Variants in TMEM44 observed in about 807,000 individuals in gnomAD.
TMEM44 encodes transmembrane protein 44.
Under a neutral mutation model 47.8 loss-of-function variants are expected in TMEM44, and 43 were observed. That is an observed-to-expected ratio of 0.90 (90% CI 0.70 to 1.16). The LOEUF (loss-of-function observed/expected upper bound fraction) is 1.16, where lower values mean the gene tolerates loss of function less well. Among genes scored for constraint, TMEM44 ranks in the 50% most tolerant of loss-of-function variants. The probability of loss-of-function intolerance (pLI) is 0.00; values close to 1 mark genes in which losing one functional copy is unlikely to be tolerated. For missense variants in TMEM44, 568 were observed against 555.2 expected (o/e 1.02, Z -0.23); for synonymous variants, 277 against 238.8 (o/e 1.16, Z -1.48).
In TMEM44 at chr3:194,626,928, A is replaced by ATT. The variant is rs34763580; in HGVS notation, c.265-940_265-939dup. Among the ~76,000 whole-genome samples, 211 of 139,480 alleles carry ATT rather than the reference A, an allele frequency of 1.5e-3. 3 individuals carry two copies. Among genetic ancestry groups the ATT allele is most frequent in the African/African-American group, 2.9e-3 (106 of 37,034 alleles). The allele number at this position is 139,480 out of a possible 152,430, so 91.5% of individuals were successfully genotyped here. A position where few individuals can be genotyped will look rare whatever the true frequency, so the allele number is the denominator to read the frequency against. ...TTGGACTTGAGCTGGGACCTACTGT[A>ATT]TTTTTTTTTTTTTGAGACGAAGTCT... On this transcript the variant is annotated intron_variant, in intron 2 of 9. Coordinates refer to ENST00000347147, the MANE Select transcript of TMEM44 (RefSeq NM_001011655.3).
At chr3:194,622,384 T>C (rs1389486390) in intron 5 of TMEM44, among the ~76,000 whole-genome samples, 1 of 152,078 alleles carries the variant, frequency 6.6e-6, no homozygotes, top group Non-Finnish European at 1.5e-5. Flanking sequence ...CTATCTTTCT[T>C]GAAGCGTGAG....
intron 9 of TMEM44, chr3:194,597,448 C>G (rs11922569): frequency 0.18 from 28,026 of 152,108 alleles, 3,327 homozygotes; most frequent in African/African-American, 0.34. Flanking sequence ...GACCTGAGGT[C>G]AGGAGTTCAT....
chr3:194,597,528 C>G (rs1237983801), intron 9 of TMEM44, among the ~76,000 whole-genome samples: 1 of 151,690 alleles, frequency 6.6e-6, no homozygotes. Flanking sequence ...GGTGTGGTGG[C>G]AGGTGCCTGT....
At position 194,615,832 on chromosome 3, in the gene TMEM44, G is replaced by C. The variant is rs1169761251; in HGVS notation, c.784-135C>G. On this transcript the variant is annotated intron_variant, in intron 6 of 9. Coordinates refer to ENST00000347147, the MANE Select transcript of TMEM44 (RefSeq NM_001011655.3). ...CCCTCCCCTGTATTATCCTGCCTGG[G>C]ACAGAGAGGAGCTCATCTGAAGACA... 6 of 1,228,074 alleles carry C rather than the reference G, an allele frequency of 4.9e-6. No homozygotes were observed. In the African/African-American group the frequency reaches 9.0e-5, roughly 18 times the overall value. The allele number at this position is 1,228,074 out of a possible 1,614,324, so 76.1% of individuals were successfully genotyped here.
At chr3:194,605,144 GTATGTATCTATC>G (rs1328009915) in intron 8 of TMEM44, among the ~76,000 whole-genome samples, 11 of 131,566 alleles carry the variant, frequency 8.4e-5, no homozygotes, top group Non-Finnish European at 1.4e-4. Context: ...ATCTATCTAT[GTATGTATCTATC>G]TATGTATCTA....
At chr3:194,605,603 G>C (rs1714692883) in intron 8 of TMEM44, among the ~76,000 whole-genome samples, 2 of 152,158 alleles carry the variant, frequency 1.3e-5, no homozygotes. Flanking sequence ...CTAATTCACT[G>C]TCACGAGAAC....
At chr3:194,629,340 G>A (rs781254732) in intron 1 of TMEM44, among the ~76,000 whole-genome samples, 15 of 152,244 alleles carry the variant, frequency 9.9e-5, no homozygotes, top group Non-Finnish European at 1.6e-4. Context: ...TAAACACAGA[G>A]CCCTTTTGGC....
In TMEM44 at chr3:194,608,126, T is replaced by C. The variant is rs117821469; in HGVS notation, c.1017+2790A>G. Among the ~76,000 whole-genome samples the C allele has an allele frequency of 4.6e-5, 7 of 152,328 alleles. No individual in the cohort carries two copies. The East Asian group carries it at 1.3e-3, about 29-fold the overall frequency. ...CAGATGCTGCAGGAACTCCCGTGCC[T>C]TCCCAAGGGTTCCCCACACACCCTG... On this transcript the variant is annotated intron_variant, in intron 8 of 9. Coordinates refer to ENST00000347147, the MANE Select transcript of TMEM44 (RefSeq NM_001011655.3).
chr3:194,589,619 C>T (rs961872437), intron 9 of TMEM44: 9 of 152,094 alleles, frequency 5.9e-5, no homozygotes, highest in African/African-American at 1.4e-4. Flanking sequence ...AGTTCATCAC[C>T]GACTCAGGTG....
rs78196807 is a variant in TMEM44 at position 194,633,056 on chromosome 3, C to CGCCCGACAG, written c.137+22_137+23insCTGTCGGGC. Reference sequence around the variant, plus strand: ...GGCGCCCGTTTCCCCGCCCGACAGCCCCCCGACCCGTGGCCCCATTACAGC... The same window carrying CGCCCGACAG: ...GGCGCCCGTTTCCCCGCCCGACAGCCGCCCGACAGCCCCGACCCGTGGCCCCATTACAGC... On this transcript the variant is annotated intron_variant, in intron 1 of 9. Transcript: ENST00000347147. 1.0e-5 allele frequency: 16 copies of CGCCCGACAG among 1,546,394 alleles called. No homozygotes were observed. The South Asian group carries it at 1.4e-4, about 14-fold the overall frequency.
rs113748566 is a variant in TMEM44, at chr3:194,623,648, C to T, written c.406G>A (p.Val136Met). ...CTCAGCGGCAGGGCCAGGGCAAACACACTGGCCCTGAGCTGCCGCCTCCTC... is the reference window on the plus strand; with the variant it reads ...CTCAGCGGCAGGGCCAGGGCAAACATACTGGCCCTGAGCTGCCGCCTCCTC... ...RKRRRQLRASVFALALPLSLG... is the reference protein window; with the variant it reads ...RKRRRQLRASMFALALPLSLG... The change falls in exon 4 of 10, where the codon GTG (valine) becomes ATG (methionine). Residue 136 changes from valine (V) to methionine (M), a missense_variant. Coordinates refer to ENST00000347147, the MANE Select transcript of TMEM44 (RefSeq NM_001011655.3). 122 of 1,613,150 alleles carry T rather than the reference C, an allele frequency of 7.6e-5. 1 individual carries two copies. The African/African-American group carries it at 1.2e-3, about 16-fold the overall frequency.
chr3:194,625,886 C>T lies in TMEM44; in HGVS notation c.358+11G>A, dbSNP rs747769632. On this transcript the variant is annotated intron_variant, in intron 3 of 9. Coordinates refer to ENST00000347147, the MANE Select transcript of TMEM44 (RefSeq NM_001011655.3). ...GTGAATAAAGACAGGAAAAGACAGC[C>T]ACACACTCACCTGAATTAGACTTGA... The T allele has an allele frequency of 6.2e-7, 1 of 1,605,912 alleles. No homozygotes were observed. Among genetic ancestry groups the T allele is most frequent in the East Asian group, 2.2e-5 (1 of 44,838 alleles).
At chr3:194,608,882 C>T (rs1011690775) in intron 8 of TMEM44, among the ~76,000 whole-genome samples, 1 of 152,120 alleles carries the variant, frequency 6.6e-6, no homozygotes, top group African/African-American at 2.4e-5. Flanking sequence ...AACAAGATGT[C>T]ATTTACATTT....
chr3:194,605,128 CTATG>C lies in TMEM44; in HGVS notation c.1018-687_1018-684del, dbSNP rs561705819. ...ATTTTCTATGTATCTATGTATCTATCTATGTATCTATCTATGTATGTATCTATCT... is the reference window on the plus strand; with the variant it reads ...ATTTTCTATGTATCTATGTATCTATCTATCTATCTATGTATGTATCTATCT... On this transcript the variant is annotated intron_variant, in intron 8 of 9. Coordinates refer to ENST00000347147, the MANE Select transcript of TMEM44 (RefSeq NM_001011655.3). 4.2e-3 allele frequency among the ~76,000 whole-genome samples: 630 copies of C among 149,766 alleles called. 1 individual carries two copies. Among genetic ancestry groups the C allele is most frequent in the African/African-American group, 0.015 (607 of 40,396 alleles).
chr3:194,591,607 ATTAT>A (rs370970918), intron 9 of TMEM44, among the ~76,000 whole-genome samples: 4 of 151,972 alleles, frequency 2.6e-5, no homozygotes, highest in Admixed American at 6.6e-5. Context: ...TTAAAACTTC[ATTAT>A]TTATTTATTT....
At chr3:194,618,063 C>T (rs1716132909) in intron 5 of TMEM44, among the ~76,000 whole-genome samples, 1 of 152,164 alleles carries the variant, frequency 6.6e-6, no homozygotes, top group Non-Finnish European at 1.5e-5. Flanking sequence ...CACCTGGTTT[C>T]CTTATGAGTG....
At chr3:194,612,080 A>C (rs1715386056) in intron 7 of TMEM44, among the ~76,000 whole-genome samples, 1 of 151,832 alleles carries the variant, frequency 6.6e-6, no homozygotes, top group Admixed American at 6.6e-5. Flanking sequence ...GCTGGACCAC[A>C]CCCTCAGTTT....
chr3:194,588,783 C>G (rs964704426), intron 9 of TMEM44, 144 bp from the exon 10 acceptor site: 152 of 752,938 alleles, frequency 2.0e-4, no homozygotes, highest in Non-Finnish European at 7.6e-5. Flanking sequence ...GACAAGTTAC[C>G]CAGGCCTGTG....
chr3:194,632,484 GCATCTGGACAAACCAGTC>G (rs1560209146), intron 1 of TMEM44, among the ~76,000 whole-genome samples: 1 of 152,132 alleles, frequency 6.6e-6, no homozygotes. Flanking sequence ...GCTACCGTGG[GCATCTGGACAAACCAGTC>G]CAGGTGCTGG....
Sources: gnomAD v4.1 joint callset for allele counts (sites outside exome capture counted in the v4.1 genomes callset) on GRCh38, gnomAD v4.1.1 for gene constraint, MANE v1.5 for transcripts, NCBI Gene and HGNC (gene_info 2026-07-23, HGNC 2026-07-21) for gene names.